Variants in ADIPOR2 observed in about 807,000 individuals in gnomAD.
The protein encoded by ADIPOR2 is adiponectin receptor protein 2.
A neutral mutation model predicts 40.9 loss-of-function variants in ADIPOR2; 18 were observed. The observed-to-expected ratio is 0.44, with a 90% CI of 0.30 to 0.65. The LOEUF is 0.65. Ranked by LOEUF, ADIPOR2 falls within the 30% of genes least tolerant of loss-of-function variation. The probability of loss-of-function intolerance (pLI) is 0.09; values close to 1 mark genes in which losing one functional copy is unlikely to be tolerated. For synonymous variants in ADIPOR2, 165 were observed against 166.4 expected (o/e 0.99, Z 0.06); for missense variants, 283 against 479.2 (o/e 0.59, Z 3.82).
intron 1 of ADIPOR2, among the ~76,000 whole-genome samples, chr12:1,737,135 TA>T (rs921070888): frequency 3.3e-5 from 5 of 152,336 alleles, no homozygotes; most frequent in Admixed American, 3.3e-4. Context: ...TTATGAAGAA[TA>T]AATGAGATAA....
intron 7 of ADIPOR2, among the ~76,000 whole-genome samples, chr12:1,785,115 C>G (rs1862799975): frequency 6.6e-6 from 1 of 152,124 alleles, no homozygotes; most frequent in Non-Finnish European, 1.5e-5. Flanking sequence ...TTGATTTCTT[C>G]TAGTTTTTGC....
chr12:1,732,867 T>TC (rs1169193063), intron 1 of ADIPOR2, among the ~76,000 whole-genome samples: 1 of 152,210 alleles, frequency 6.6e-6, no homozygotes, highest in Non-Finnish European at 1.5e-5. Flanking sequence ...ACTCATTAAT[T>TC]GCTTCCATTT....
At chr12:1,729,646 G>GGTTTT (rs2094715841) in intron 1 of ADIPOR2, among the ~76,000 whole-genome samples, 2 of 118,006 alleles carry the variant, frequency 1.7e-5, no homozygotes, top group Non-Finnish European at 3.4e-5. Context: ...TTTTTTGAGT[G>GGTTTT]TTTTTTTTTG....
intron 1 of ADIPOR2, among the ~76,000 whole-genome samples, chr12:1,740,278 C>G (rs1233487306): frequency 6.6e-6 from 1 of 152,174 alleles, no homozygotes; most frequent in Non-Finnish European, 1.5e-5. Context: ...CCATAAAGTA[C>G]TGCAGACTGG....
At chr12:1,724,028 C>G (rs895676093) in intron 1 of ADIPOR2, among the ~76,000 whole-genome samples, 29 of 151,638 alleles carry the variant, frequency 1.9e-4, no homozygotes, top group African/African-American at 6.5e-4. Flanking sequence ...GTTGCCCGGG[C>G]TGAAGTGCAA....
At chr12:1,730,477 C>T (rs1281609548) in intron 1 of ADIPOR2, among the ~76,000 whole-genome samples, 3 of 151,740 alleles carry the variant, frequency 2.0e-5, no homozygotes. Context: ...ATTAGCTGGG[C>T]GCGGTGGCGG....
At chr12:1,698,207 TGTG>T (rs2094643195) in intron 1 of ADIPOR2, among the ~76,000 whole-genome samples, 1 of 12,180 alleles carries the variant, frequency 8.2e-5, no homozygotes, top group Non-Finnish European at 1.8e-4. Context: ...CTTGGCTGAT[TGTG>T]TGTGTGTGTG....
At chr12:1,746,756 A>G (rs571805402) in intron 1 of ADIPOR2, among the ~76,000 whole-genome samples, 2 of 152,326 alleles carry the variant, frequency 1.3e-5, no homozygotes, top group Admixed American at 6.5e-5. Context: ...AATTATAGGC[A>G]TGGTGGCTCA....
At position 1,788,670 on chromosome 12, in the gene ADIPOR2, T is replaced by C. The variant is rs767934769; in HGVS notation, c.*2598T>C. The C allele has an allele frequency of 7.9e-5, 12 of 152,508 alleles. No homozygotes were observed. Among genetic ancestry groups the C allele is most frequent in the Non-Finnish European group, 1.5e-4 (10 of 68,028 alleles). The allele number at this position is 152,508 out of a possible 1,614,324, so 9.4% of individuals were successfully genotyped here. A position where few individuals can be genotyped will look rare whatever the true frequency, so the allele number is the denominator to read the frequency against. The stretch of plus-strand genomic sequence containing the variant: ...TCAGTTTCTAATAAAAAGAACCAAA[T>C]GAAATATGACCTGTCGTGTGTTTTT... On this transcript the variant is annotated 3_prime_UTR_variant, in exon 8 of 8. Transcript: ENST00000357103.
chr12:1,715,359 G>GA (rs1159269100), intron 1 of ADIPOR2, among the ~76,000 whole-genome samples: 1 of 152,000 alleles, frequency 6.6e-6, no homozygotes, highest in Non-Finnish European at 1.5e-5. Flanking sequence ...CCATAGTGCA[G>GA]AAAAAAATGA....
At chr12:1,733,643 C>T (rs1302959564) in intron 1 of ADIPOR2, among the ~76,000 whole-genome samples, 1 of 152,092 alleles carries the variant, frequency 6.6e-6, no homozygotes, top group African/African-American at 2.4e-5. Flanking sequence ...TTTTAGGGTA[C>T]ATGTGCACAA....
At chr12:1,764,089 A>C (rs1862324786) in intron 2 of ADIPOR2, among the ~76,000 whole-genome samples, 1 of 152,238 alleles carries the variant, frequency 6.6e-6, no homozygotes, top group Admixed American at 6.5e-5. Flanking sequence ...CTGTACTGCC[A>C]GCCAGATGTG....
intron 1 of ADIPOR2, among the ~76,000 whole-genome samples, chr12:1,732,939 A>G (rs532241004): frequency 3.9e-5 from 6 of 152,308 alleles, no homozygotes; most frequent in African/African-American, 1.4e-4. Context: ...GCTTTAGGAT[A>G]AAATTCAAGG....
At chr12:1,758,010 A>G (rs962339075) in intron 2 of ADIPOR2, 11 of 868,436 alleles carry the variant, frequency 1.3e-5, no homozygotes, top group African/African-American at 1.2e-4. Flanking sequence ...ACCACGCGCC[A>G]TGGCTGCGTT....
rs545114661 is a variant in ADIPOR2, at chr12:1,700,244, T to C, written c.-87+9053T>C. 6.6e-5 allele frequency among the ~76,000 whole-genome samples: 10 copies of C among 152,318 alleles called. No homozygotes were observed. The East Asian group carries it at 1.4e-3, about 21-fold the overall frequency. On this transcript the variant is annotated intron_variant, in intron 1 of 7. Coordinates refer to ENST00000357103, the MANE Select transcript of ADIPOR2 (RefSeq NM_024551.3). ...GCCATTTAGGCCTTTCTTTTGTATG[T>C]TTGTTGTTAGTATATCAGCTGATTA...
At chr12:1,729,760 T>C (rs2094716075) in intron 1 of ADIPOR2, among the ~76,000 whole-genome samples, 1 of 152,066 alleles carries the variant, frequency 6.6e-6, no homozygotes. Context: ...GTATTTTGCT[T>C]TACTTTCTAT....
In ADIPOR2 at chr12:1,714,463, C is replaced by T. The variant is rs565900577; in HGVS notation, c.-87+23272C>T. On this transcript the variant is annotated intron_variant, in intron 1 of 7. Coordinates refer to ENST00000357103, the MANE Select transcript of ADIPOR2 (RefSeq NM_024551.3). ...AGGATCAATTGACCCTCGAGTGAGT[C>T]GGGTAACAGGGAAGTATATTTTCTT... Among the ~76,000 whole-genome samples, 12 of 152,160 alleles carry T rather than the reference C, an allele frequency of 7.9e-5. No homozygotes were observed. In the South Asian group the frequency reaches 1.0e-3, roughly 13 times the overall value.
intron 6 of ADIPOR2, among the ~76,000 whole-genome samples, chr12:1,781,327 T>C (rs1385532469): frequency 6.6e-6 from 1 of 152,162 alleles, no homozygotes; most frequent in Admixed American, 6.5e-5. Context: ...TGATATAATT[T>C]GGGACTGTTA....
chr12:1,785,575 T>C (rs542103411), intron 7 of ADIPOR2, among the ~76,000 whole-genome samples: 1 of 152,128 alleles, frequency 6.6e-6, no homozygotes, highest in African/African-American at 2.4e-5. Context: ...AGCCCATGGC[T>C]AGGTGTCAAG....
Sources: gnomAD v4.1 joint callset for allele counts (sites outside exome capture counted in the v4.1 genomes callset) on GRCh38, gnomAD v4.1.1 for gene constraint, MANE v1.5 for transcripts, NCBI Gene and HGNC (gene_info 2026-07-23, HGNC 2026-07-21) for gene names.